RDX: variants seen among roughly 807,000 people sequenced by gnomAD.
RDX encodes the protein deafness, autosomal recessive 24.
Under a neutral mutation model 83.7 loss-of-function variants are expected in RDX, and 32 were observed. The observed-to-expected ratio is 0.38, with a 90% CI of 0.29 to 0.51. RDX has a LOEUF of 0.51. RDX is among the 20% of genes least tolerant of loss of function. The pLI is 0.87. For missense variants in RDX, 600 were observed against 689.9 expected (o/e 0.87, Z 1.46); for synonymous variants, 229 against 222.7 (o/e 1.03, Z -0.25).
intron 3 of RDX, among the ~76,000 whole-genome samples, chr11:110,268,116 T>C (rs1860134625): frequency 6.6e-6 from 1 of 152,062 alleles, no homozygotes; most frequent in South Asian, 2.1e-4. Flanking sequence ...AAAACCAGCC[T>C]GGCCAACATG....
At chr11:110,258,052 C>T in intron 6 of RDX, 54 bp downstream of exon 6, 4 of 1,476,272 alleles carry the variant, frequency 2.7e-6, no homozygotes, top group Non-Finnish European at 3.8e-6. Flanking sequence ...AATGTTACGA[C>T]ATGAAAATAC....
rs138071944 is a variant in RDX, at chr11:110,205,419, C to T, written c.1749-5741G>A. Among the ~76,000 whole-genome samples the T allele has an allele frequency of 6.8e-4, 80 of 117,148 alleles. No individual in the cohort carries two copies. The East Asian group carries it at 0.017, about 24-fold the overall frequency. 76.9% of individuals were successfully genotyped at this position (117,148 alleles called of 152,430 possible). On this transcript the variant is annotated intron_variant, in intron 14 of 15. Transcript: ENST00000528498. ...AATTAAGCTACAAGAAATTGTAAAACGTTTACCTATCCAAAAAAAAAAAAA... is the reference window on the plus strand; with the variant it reads ...AATTAAGCTACAAGAAATTGTAAAATGTTTACCTATCCAAAAAAAAAAAAA...
chr11:110,232,562 A>G (rs1244079354), intron 13 of RDX, among the ~76,000 whole-genome samples: 1 of 148,112 alleles, frequency 6.8e-6, no homozygotes, highest in Admixed American at 6.8e-5. Context: ...CAAATAATTA[A>G]GATTATGTAA....
At position 110,204,651 on chromosome 11, in the gene RDX, C is replaced by A. The variant is rs959366090; in HGVS notation, c.1749-4973G>T. Among the ~76,000 whole-genome samples the A allele has an allele frequency of 2.7e-4, 41 of 151,364 alleles. 1 individual carries two copies. Among genetic ancestry groups the A allele is most frequent in the Admixed American group, 9.9e-4 (15 of 15,174 alleles). ...CCTGCCTCAGCCTCCCGAGTAGCTG[C>A]GATTACAGGCACACGCCACCATGCC... is the stretch of plus-strand genomic sequence containing the variant. On this transcript the variant is annotated intron_variant, in intron 14 of 15. Transcript: ENST00000528498.
Position 110,208,116 on chromosome 11 carries a change from G to A in RDX, c.1749-8438C>T, listed in dbSNP as rs568554651. Among the ~76,000 whole-genome samples, 25 of 151,860 alleles carry A rather than the reference G, an allele frequency of 1.6e-4. 1 individual carries two copies. Among genetic ancestry groups the A allele is most frequent in the African/African-American group, 4.6e-4 (19 of 41,414 alleles). ...GTTACAGGCATGAGCCACCATGCCC[G>A]GCCCAGATCTATTTTTATCTACAAA... On this transcript the variant is annotated intron_variant, in intron 14 of 15. Transcript: ENST00000528498.
At chr11:110,229,188 C>T (rs1217827240), downstream of RDX, among the ~76,000 whole-genome samples, 1 of 151,924 alleles carries the variant, frequency 6.6e-6, no homozygotes, top group Non-Finnish European at 1.5e-5. Context: ...ACAATAAAGG[C>T]AATGACTGGA....
chr11:110,240,844 CA>C (rs1865064904), intron 10 of RDX, among the ~76,000 whole-genome samples: 1 of 150,850 alleles, frequency 6.6e-6, no homozygotes, highest in Admixed American at 6.6e-5. Flanking sequence ...CACCTCAGGT[CA>C]GGAGTTCGAG....
intron 14 of RDX, among the ~76,000 whole-genome samples, chr11:110,200,657 C>T (rs1434361221): frequency 6.6e-6 from 1 of 152,140 alleles, no homozygotes; most frequent in African/African-American, 2.4e-5. Flanking sequence ...TAATGAAAAG[C>T]TGAGTCTTTG....
intron 15 of RDX, among the ~76,000 whole-genome samples, chr11:110,188,572 G>C (rs1863034994): frequency 6.6e-6 from 1 of 152,048 alleles, no homozygotes; most frequent in Non-Finnish European, 1.5e-5. Flanking sequence ...CACTGCTCGG[G>C]TGATGGGTGG....
At chr11:110,201,767 CCTCT>C (rs1469719265) in intron 14 of RDX, among the ~76,000 whole-genome samples, 12 of 151,934 alleles carry the variant, frequency 7.9e-5, no homozygotes, top group African/African-American at 2.7e-4. Flanking sequence ...ATGTTGTCTC[CCTCT>C]GTCACCCAGG....
At position 110,264,175 on chromosome 11, in the gene RDX, G is replaced by A. The variant is rs768173454; in HGVS notation, c.252C>T (p.Phe84=). The A allele has an allele frequency of 6.2e-7, 1 of 1,610,892 alleles. No individual in the cohort carries two copies. Among genetic ancestry groups the A allele is most frequent in the Non-Finnish European group, 8.5e-7 (1 of 1,177,218 alleles). The part of the protein sequence containing the change: ...NPLQFKFRAK[F]FPEDVSEELI... ...ATTCCTCAGAAACATCTTCAGGAAA[G>A]AATTTAGCTCTAAACTTGAACTGTA... is the stretch of plus-strand genomic sequence containing the variant. Residue 84 remains phenylalanine (F), a synonymous_variant, in exon 5 of 14, where the codon TTC becomes TTT. Coordinates refer to ENST00000645495, the MANE Select transcript of RDX (RefSeq NM_002906.4).
chr11:110,220,934 T>A (rs1443582905), intron 14 of RDX, among the ~76,000 whole-genome samples: 1 of 145,348 alleles, frequency 6.9e-6, no homozygotes, highest in Non-Finnish European at 1.5e-5. Context: ...TGGTACAGGA[T>A]CCCTATACCC....
chr11:110,179,753 C>T (rs1380730588), intron 15 of RDX: 1 of 289,698 alleles, frequency 3.5e-6, no homozygotes, highest in Non-Finnish European at 6.9e-6. Context: ...GCCTGGGCAA[C>T]AGAGCAAGAT....
chr11:110,217,752 G>A (rs1047293330), intron 14 of RDX, among the ~76,000 whole-genome samples: 3 of 152,122 alleles, frequency 2.0e-5, no homozygotes, highest in African/African-American at 4.8e-5. Flanking sequence ...CAAGGGGTAG[G>A]GAGATGGTAC....
At chr11:110,282,241 T>C (rs1273362093) in intron 1 of RDX, among the ~76,000 whole-genome samples, 1 of 152,212 alleles carries the variant, frequency 6.6e-6, no homozygotes, top group African/African-American at 2.4e-5. Context: ...TGAATCATAA[T>C]AGTTGTTTAG....
chr11:110,249,999 T>C (rs995712657), intron 9 of RDX, among the ~76,000 whole-genome samples: 1 of 152,218 alleles, frequency 6.6e-6, no homozygotes, highest in African/African-American at 2.4e-5. Flanking sequence ...CCAGTAACTA[T>C]TCCTAACCCC....
At chr11:110,217,064 ATC>A (rs1864081569) in intron 14 of RDX, among the ~76,000 whole-genome samples, 1 of 152,084 alleles carries the variant, frequency 6.6e-6, no homozygotes, top group African/African-American at 2.4e-5. Flanking sequence ...CACTCTTTTC[ATC>A]TGTCTGGCAT....
At chr11:110,203,423 A>G (rs1281761525) in intron 14 of RDX, among the ~76,000 whole-genome samples, 2 of 151,748 alleles carry the variant, frequency 1.3e-5, no homozygotes, top group African/African-American at 2.4e-5. Context: ...TAAAAAAAAA[A>G]AAAAAAAAAG....
At chr11:110,268,115 C>T (rs1013584165) in intron 3 of RDX, among the ~76,000 whole-genome samples, 2 of 151,940 alleles carry the variant, frequency 1.3e-5, no homozygotes, top group African/African-American at 4.8e-5. Flanking sequence ...CAAAACCAGC[C>T]TGGCCAACAT....
Sources: allele counts gnomAD v4.1 joint callset (sites outside exome capture counted in the v4.1 genomes callset), GRCh38; gene constraint gnomAD v4.1.1; transcripts MANE v1.5; gene names NCBI Gene and HGNC (gene_info 2026-07-23, HGNC 2026-07-21).